The following NTMT2 variants were observed in gnomAD, a reference collection of about 807,000 sequenced individuals.
The protein encoded by NTMT2 is N-terminal Xaa-Pro-Lys N-methyltransferase 2.
In NTMT2, 21 loss-of-function variants were observed where a neutral mutation model predicts 23.4. The ratio of observed to expected loss-of-function variants is 0.90; its 90% confidence interval spans 0.64 to 1.29. NTMT2 has a LOEUF of 1.29. Among genes scored for constraint, NTMT2 ranks in the 50% most tolerant of loss-of-function variants. The pLI is 0.00. For synonymous variants in NTMT2, 131 were observed against 127.7 expected (o/e 1.03, Z -0.17); for missense variants, 336 against 352.0 (o/e 0.95, Z 0.36).
chr1:170,165,236 A>C (rs1254651321), intron 2 of NTMT2, among the ~76,000 whole-genome samples: 1 of 152,194 alleles, frequency 6.6e-6, no homozygotes. Context: ...ATAAATCAGA[A>C]AAGTTTTTTA....
At chr1:170,156,643 CT>C (rs1673168842) in intron 1 of NTMT2, among the ~76,000 whole-genome samples, 1 of 151,962 alleles carries the variant, frequency 6.6e-6, no homozygotes, top group Non-Finnish European at 1.5e-5. Context: ...GTGCTGGTGA[CT>C]GGTTTACTTA....
Position 170,168,157 on chromosome 1 carries a change from G to A in NTMT2, c.*400G>A, listed in dbSNP as rs1350010443. Among the ~76,000 whole-genome samples, 1 of 146,430 alleles carries A rather than the reference G, an allele frequency of 6.8e-6. No individual in the cohort carries two copies. The highest frequency in any genetic ancestry group is 2.5e-5 in the African/African-American group (1 of 39,410). ...TTTTTTTTTTGTTTTTCCATCACAA[G>A]ATGAAATCAGCATTCTGTGCATCAA... On this transcript the variant is annotated 3_prime_UTR_variant, in exon 4 of 4. Coordinates refer to ENST00000439373, the MANE Select transcript of NTMT2 (RefSeq NM_001136107.2).
chr1:170,167,531 G>T lies in NTMT2; in HGVS notation c.626G>T (p.Arg209Leu), dbSNP rs78678262. 22 of 1,551,492 alleles carry T rather than the reference G, an allele frequency of 1.4e-5. No individual in the cohort carries two copies. The highest frequency in any genetic ancestry group is 1.9e-5 in the Non-Finnish European group (22 of 1,147,006). The change falls in exon 4 of 4, where the codon CGA becomes CTA. Residue 209 changes from arginine (R) to leucine (L), a missense_variant. Physicochemically the swap from Arg to Leu is moderately radical, Grantham distance 102 (BLOSUM62 -2). Transcript: ENST00000439373. Reference protein sequence around the residue: ...KDLLAFLSRCRDGLKENGIII... With the variant: ...KDLLAFLSRCLDGLKENGIII... ...CTTCTTGCATTTCTTTCCCGGTGCC[G>T]AGATGGCCTGAAAGAAAATGGCATC...
chr1:170,150,402 T>G (rs1316432739), intron 1 of NTMT2, among the ~76,000 whole-genome samples: 1 of 152,220 alleles, frequency 6.6e-6, no homozygotes, highest in African/African-American at 2.4e-5. Context: ...GTTTTGCATA[T>G]ATTATCTCAG....
intron 2 of NTMT2, among the ~76,000 whole-genome samples, chr1:170,166,140 C>CTTTTTTTT (rs3040077): frequency 4.4e-5 from 3 of 67,834 alleles, no homozygotes; most frequent in Non-Finnish European, 8.8e-5. Flanking sequence ...TTTTTTTTTT[C>CTTTTTTTT]TTTTTTTTTT....
chr1:170,166,604 G>A lies in NTMT2; in HGVS notation c.433G>A (p.Val145Met). The change falls in exon 3 of 4, where the codon GTG becomes ATG. Residue 145 changes from valine (V) to methionine (M), a missense_variant. Transcript: ENST00000439373. Reference sequence around the variant, plus strand: ...GCCTGTTTTCAACAGTGTGGAGCTGGTGGATATGATGGAATCCTTTCTCCT... The same window carrying A: ...GCCTGTTTTCAACAGTGTGGAGCTGATGGATATGATGGAATCCTTTCTCCT... ...LLPVFNSVEL[V>M]DMMESFLLEA... The A allele has an allele frequency of 1.3e-6, 2 of 1,552,254 alleles. No homozygotes were observed. The highest frequency in any genetic ancestry group is 1.7e-6 in the Non-Finnish European group (2 of 1,147,108).
intron 1 of NTMT2, chr1:170,151,359 A>G (rs888241732): frequency 6.5e-6 from 1 of 154,212 alleles, no homozygotes; most frequent in Non-Finnish European, 1.5e-5. Context: ...TTTCAGAAGA[A>G]TCAGTCTCTG....
rs1043341556 is a variant in NTMT2, at chr1:170,159,427, T to G, written c.155-1091T>G. Among the ~76,000 whole-genome samples, 37 of 146,412 alleles carry G rather than the reference T, an allele frequency of 2.5e-4. 1 individual carries two copies. Among genetic ancestry groups the G allele is most frequent in the African/African-American group, 9.7e-4 (37 of 38,004 alleles). On this transcript the variant is annotated intron_variant, in intron 1 of 3. Transcript: ENST00000439373. ...AGTTTTGATTTATGCTCTGGTTTTT[T>G]TTTTTTTTTTTTTTTTTTGGTTTCC...
At chr1:170,148,704 T>G (rs1673015057) in intron 1 of NTMT2, among the ~76,000 whole-genome samples, 1 of 152,150 alleles carries the variant, frequency 6.6e-6, no homozygotes, top group South Asian at 2.1e-4. Flanking sequence ...ATAAAAAATA[T>G]TTTTTTCTCT....
At chr1:170,151,618 T>C (rs1673069941) in intron 1 of NTMT2, among the ~76,000 whole-genome samples, 2 of 152,028 alleles carry the variant, frequency 1.3e-5, no homozygotes, top group African/African-American at 2.4e-5. Context: ...ACCTGTGCAA[T>C]ACAAATGCTG....
intron 2 of NTMT2, among the ~76,000 whole-genome samples, chr1:170,164,937 A>C (rs1349367195): frequency 6.6e-6 from 1 of 152,236 alleles, no homozygotes; most frequent in Non-Finnish European, 1.5e-5. Context: ...ATTTGGAAAG[A>C]AGTTACAATT....
intron 2 of NTMT2, chr1:170,161,794 A>G (rs1022649068): frequency 5.9e-5 from 9 of 152,174 alleles, no homozygotes; most frequent in African/African-American, 2.2e-4. Context: ...GTTAGAAAAG[A>G]CTTAATCCCC....
chr1:170,146,543 T>C (rs777414808), intron 1 of NTMT2, among the ~76,000 whole-genome samples: 12 of 152,170 alleles, frequency 7.9e-5, no homozygotes, highest in Admixed American at 3.3e-4. Flanking sequence ...ATCAGGCTTG[T>C]AGAAACTCAG....
intron 1 of NTMT2, among the ~76,000 whole-genome samples, chr1:170,147,054 C>T (rs142707755): frequency 6.6e-6 from 1 of 152,162 alleles, no homozygotes; most frequent in Non-Finnish European, 1.5e-5. Flanking sequence ...GTGTATCAGC[C>T]TAGTCTGTTT....
At chr1:170,148,511 T>A (rs1000076342) in intron 1 of NTMT2, among the ~76,000 whole-genome samples, 4 of 152,072 alleles carry the variant, frequency 2.6e-5, no homozygotes, top group African/African-American at 9.7e-5. Flanking sequence ...TTTCCATAAA[T>A]GGGCATTGCT....
chr1:170,166,813 T>C lies in NTMT2; in HGVS notation c.580+62T>C. ...CTTCTCAGCCAGAGAAGACAGTCCT[T>C]GGGGCTAATGAGGGCACCAGGGAAG... On this transcript the variant is annotated intron_variant, in intron 3 of 3. Coordinates refer to ENST00000439373, the MANE Select transcript of NTMT2 (RefSeq NM_001136107.2). 3 of 1,525,914 alleles carry C rather than the reference T, an allele frequency of 2.0e-6. No individual in the cohort carries two copies. In the South Asian group the frequency reaches 3.7e-5, roughly 19 times the overall value. The allele number at this position is 1,525,914 out of a possible 1,614,324, so 94.5% of individuals were successfully genotyped here.
intron 3 of NTMT2, among the ~76,000 whole-genome samples, chr1:170,167,000 T>A (rs1019343495): frequency 3.3e-5 from 5 of 152,208 alleles, no homozygotes; most frequent in Non-Finnish European, 7.3e-5. Context: ...ATGGAGCAAG[T>A]GCCTTTGGAC....
At chr1:170,147,699 T>C (rs1672992578) in intron 1 of NTMT2, among the ~76,000 whole-genome samples, 1 of 152,162 alleles carries the variant, frequency 6.6e-6, no homozygotes, top group Non-Finnish European at 1.5e-5. Context: ...AAGATATCAA[T>C]TACAACAGCT....
At chr1:170,147,267 T>C (rs941937792) in intron 1 of NTMT2, among the ~76,000 whole-genome samples, 2 of 152,226 alleles carry the variant, frequency 1.3e-5, no homozygotes, top group African/African-American at 4.8e-5. Context: ...AACTTCTTTC[T>C]AAAACTTTTT....
Sources: allele counts gnomAD v4.1 joint callset (sites outside exome capture counted in the v4.1 genomes callset), GRCh38; gene constraint gnomAD v4.1.1; transcripts MANE v1.5; gene names NCBI Gene and HGNC (gene_info 2026-07-23, HGNC 2026-07-21).